Variants in LINC00632 observed in about 807,000 individuals in gnomAD.
LINC00632 encodes long independently transcribed non-coding RNA 632.
chrX:140,711,691 C>T (rs1334137125), intron 2 of LINC00632: 3 of 255,471 alleles, frequency 1.2e-5, no homozygotes, highest in South Asian at 4.7e-5. Flanking sequence ...CCCCCCAACA[C>T]CTATCACCTA....
chrX:140,783,320 A>C, exon 5 of LINC00632: 1 of 392,581 alleles, frequency 2.5e-6, no homozygotes, highest in Non-Finnish European at 4.5e-6. Flanking sequence ...TCTTCCGGAC[A>C]ATCCATGTCT....
At chrX:140,724,407 TACACATACACACATTCCAC>T (rs1169339361) in intron 2 of LINC00632, among the ~76,000 whole-genome samples, 2 of 81,115 alleles carry the variant, frequency 2.5e-5, no homozygotes, top group African/African-American at 9.3e-5. Flanking sequence ...ACACATTCCA[TACACATACACACATTCCAC>T]ACACATACAC....
chrX:140,756,040 C>A (rs185926751), intron 3 of LINC00632, among the ~76,000 whole-genome samples: 38 of 110,744 alleles, frequency 3.4e-4, no homozygotes, highest in African/African-American at 1.1e-3. Flanking sequence ...ATTCTCTGAA[C>A]TACTTATATA....
intron 3 of LINC00632, among the ~76,000 whole-genome samples, chrX:140,759,284 CTTT>C (rs1199603004): frequency 2.9e-4 from 27 of 92,642 alleles, no homozygotes; most frequent in African/African-American, 1.2e-3. Context: ...TCTTTTCTTT[CTTT>C]CTTTCCTTCC....
exon 5 of LINC00632, among the ~76,000 whole-genome samples, chrX:140,789,896 T>C (rs186528857): frequency 6.0e-4 from 67 of 111,414 alleles, no homozygotes; most frequent in Admixed American, 1.2e-3. Context: ...GTCTTTTAAA[T>C]TTATTCATGG....
At chrX:140,719,344 G>C (rs1930690263) in intron 2 of LINC00632, among the ~76,000 whole-genome samples, 1 of 110,039 alleles carries the variant, frequency 9.1e-6, no homozygotes, top group Admixed American at 9.7e-5. Flanking sequence ...TGTTGCCCGG[G>C]CTGGAGTGCG....
exon 4 of LINC00632, among the ~76,000 whole-genome samples, chrX:140,773,570 A>C (rs1186335666): frequency 1.8e-5 from 2 of 112,466 alleles, no homozygotes; most frequent in East Asian, 2.8e-4. Flanking sequence ...GTGTACATGA[A>C]GGGAAACCAT....
intron 3 of LINC00632, among the ~76,000 whole-genome samples, chrX:140,766,170 G>C (rs940420753): frequency 9.0e-6 from 1 of 111,704 alleles, no homozygotes; most frequent in Non-Finnish European, 1.9e-5. Flanking sequence ...TTAGCTGTTG[G>C]ATTTCTTATA....
At chrX:140,724,475 A>G (rs1930871609) in intron 2 of LINC00632, among the ~76,000 whole-genome samples, 1 of 57,486 alleles carries the variant, frequency 1.7e-5, no homozygotes, top group Non-Finnish European at 3.5e-5. Flanking sequence ...CATATTCCAT[A>G]CATACACACA....
rs528344222 is a variant in LINC00632, at chrX:140,760,828, T to C, written n.192-11250T>C. Reference sequence around the variant, plus strand: ...AACCAATACAATGTCATGTCCGAGCTAGAGAGTTTCAAAGAGCTCCTCCAT... The same window carrying C: ...AACCAATACAATGTCATGTCCGAGCCAGAGAGTTTCAAAGAGCTCCTCCAT... On this transcript the variant is annotated intron_variant and non_coding_transcript_variant, in intron 3 of 4. Coordinates refer to ENST00000648200, the Ensembl canonical transcript of LINC00632. 6.9e-3 allele frequency among the ~76,000 whole-genome samples: 774 copies of C among 111,769 alleles called. 3 individuals are homozygous for C. The highest frequency in any genetic ancestry group is 0.019 in the Middle Eastern group (4 of 214).
intron 2 of LINC00632, among the ~76,000 whole-genome samples, chrX:140,724,912 T>TAC (rs1398268967): frequency 3.2e-4 from 1 of 3,120 alleles, no homozygotes; most frequent in Non-Finnish European, 7.7e-4. Context: ...ACACATTCCA[T>TAC]ATACACATAC....
intron 2 of LINC00632, among the ~76,000 whole-genome samples, chrX:140,716,610 A>G (rs1930633935): frequency 9.1e-6 from 1 of 110,055 alleles, no homozygotes; most frequent in Admixed American, 9.8e-5. Context: ...GTACCCACAT[A>G]CCCTACAGAC....
At chrX:140,765,181 C>T (rs1399889484) in intron 3 of LINC00632, among the ~76,000 whole-genome samples, 1 of 111,878 alleles carries the variant, frequency 8.9e-6, no homozygotes, top group African/African-American at 3.3e-5. Flanking sequence ...TGAAGTGATT[C>T]CCTCCTCTCC....
intron 3 of LINC00632, among the ~76,000 whole-genome samples, chrX:140,751,891 G>A (rs1023572361): frequency 1.8e-5 from 2 of 111,516 alleles, no homozygotes; most frequent in Admixed American, 1.9e-4. Context: ...AAAGGAAAAG[G>A]AGAGCTGGAA....
chrX:140,756,922 C>T (rs1931503750), intron 3 of LINC00632, among the ~76,000 whole-genome samples: 1 of 111,458 alleles, frequency 9.0e-6, no homozygotes, highest in Non-Finnish European at 1.9e-5. Flanking sequence ...TTTATGCATA[C>T]ATTTCTACAC....
chrX:140,727,825 A>G (rs971963279), intron 2 of LINC00632, among the ~76,000 whole-genome samples: 1 of 111,918 alleles, frequency 8.9e-6, no homozygotes, highest in African/African-American at 3.2e-5. Context: ...TCCATAATGC[A>G]AAAATCTCCC....
chrX:140,741,435 G>C (rs781341600), intron 3 of LINC00632, among the ~76,000 whole-genome samples: 1 of 111,941 alleles, frequency 8.9e-6, no homozygotes, highest in African/African-American at 3.2e-5. Context: ...GAGGCACCTG[G>C]ATGCAAATTG....
intron 2 of LINC00632, chrX:140,716,382 C>T (rs1326307742): frequency 9.0e-6 from 1 of 111,128 alleles, no homozygotes; most frequent in Non-Finnish European, 1.9e-5. Context: ...GTAATAAATA[C>T]GTTAAGATTT....
In LINC00632 at chrX:140,762,209, A is replaced by AAGAG. The variant is rs35880613; in HGVS notation, n.192-9838_192-9835dup. 6.6e-3 allele frequency among the ~76,000 whole-genome samples: 442 copies of AAGAG among 67,094 alleles called. 3 individuals carry two copies. Among genetic ancestry groups the AAGAG allele is most frequent in the South Asian group, 0.029 (22 of 771 alleles). The allele number at this position is 67,094 out of a possible 115,157, so 58.3% of individuals were successfully genotyped here. On this transcript the variant is annotated intron_variant and non_coding_transcript_variant, in intron 3 of 4. Coordinates refer to ENST00000648200, the Ensembl canonical transcript of LINC00632. ...ATAGCGACCTCGTCAGTTTTTCGAAAAGAGAGAGAGAGAGAGAGAGAGAGA... is the reference window on the plus strand; with the variant it reads ...ATAGCGACCTCGTCAGTTTTTCGAAAAGAGAGAGAGAGAGAGAGAGAGAGAGAGA...
Sources: allele counts gnomAD v4.1 joint callset (sites outside exome capture counted in the v4.1 genomes callset), GRCh38; gene constraint gnomAD v4.1.1; transcripts MANE v1.5; gene names NCBI Gene and HGNC (gene_info 2026-07-23, HGNC 2026-07-21).